The following DET1 variants were observed in gnomAD, a reference collection of about 807,000 sequenced individuals.
DET1 encodes the protein DET1 partner of COP1 E3 ubiquitin ligase.
In DET1, 22 loss-of-function variants were observed where a neutral mutation model predicts 43.7. That is an observed-to-expected ratio of 0.50 (90% CI 0.36 to 0.72). The LOEUF (loss-of-function observed/expected upper bound fraction) is 0.72. Among genes scored for constraint, DET1 ranks in the 30% least tolerant of loss-of-function variants. The pLI is 0.00. For missense variants in DET1, 713 were observed against 713.3 expected, an observed-to-expected ratio of 1.00 and a Z score of 0.00; for synonymous variants, 315 against 266.2, an observed-to-expected ratio of 1.18 and a Z score of -1.79.
At chr15:88,502,919 C>T (rs568143069) in intron 8 of DET1, 10 of 152,290 alleles carry the variant, frequency 6.6e-5, no homozygotes, top group African/African-American at 2.4e-4. Flanking sequence ...CTTAGCAGGT[C>T]CTCAATAAAT....
chr15:88,546,380 C>G (rs1449977507), intron 1 of DET1, 160 bp downstream of exon 1: 1 of 152,294 alleles, frequency 6.6e-6, no homozygotes, highest in Non-Finnish European at 1.5e-5. Flanking sequence ...CAAAAGGGCG[C>G]CCCCGGAAAG....
chr15:88,530,739 AATACT>A lies in DET1; in HGVS notation c.962_966del (p.Gln321LeufsTer2). 6.2e-7 allele frequency: 1 copy of A among 1,614,016 alleles called. No homozygotes were observed. Among genetic ancestry groups the A allele is most frequent in the Non-Finnish European group, 8.5e-7 (1 of 1,179,874 alleles). On this transcript the variant is annotated frameshift_variant, in exon 2 of 5. Transcript: ENST00000268148. LOFTEE classifies it high-confidence loss of function. ...ATTCGCAGCTGCCGCAGTTGGTCAAAATACTGGAAGAAGCGCCTCTTGGCCATTGC... is the reference window on the plus strand; with the variant it reads ...ATTCGCAGCTGCCGCAGTTGGTCAAAGGAAGAAGCGCCTCTTGGCCATTGC...
At chr15:88,545,484 C>A (rs2057227657) in intron 1 of DET1, among the ~76,000 whole-genome samples, 1 of 152,190 alleles carries the variant, frequency 6.6e-6, no homozygotes, top group South Asian at 2.1e-4. Context: ...GAGAAAATAA[C>A]ATCCCCTGGT....
rs776229674 is a variant in DET1, at chr15:88,527,837, C to T, written c.1084-51G>A. 460 of 1,354,090 alleles carry T rather than the reference C, an allele frequency of 3.4e-4. 1 individual carries two copies. The highest frequency in any genetic ancestry group is 3.3e-3 in the Middle Eastern group (17 of 5,128). The allele number at this position is 1,354,090 out of a possible 1,614,324, so 83.9% of individuals were successfully genotyped here. A position where few individuals can be genotyped will look rare whatever the true frequency, so the allele number is the denominator to read the frequency against. On this transcript the variant is annotated intron_variant, in intron 2 of 4. Transcript: ENST00000268148. ...TGGGACAGCTGAGTATAATGCCATG[C>T]GTAGGAAACTTAGCACTTATTACTT...
intron 1 of DET1, among the ~76,000 whole-genome samples, chr15:88,535,412 C>T (rs981131335): frequency 6.6e-6 from 1 of 151,054 alleles, no homozygotes; most frequent in Admixed American, 6.6e-5. Flanking sequence ...GTTGTAACAC[C>T]CTGATCTTGA....
At chr15:88,533,197 T>C (rs2056861047) in intron 1 of DET1, among the ~76,000 whole-genome samples, 1 of 152,200 alleles carries the variant, frequency 6.6e-6, no homozygotes, top group Non-Finnish European at 1.5e-5. Flanking sequence ...TCAACATCAC[T>C]AATCATCAGA....
chr15:88,544,316 C>T (rs1219576275), intron 1 of DET1, among the ~76,000 whole-genome samples: 1 of 152,176 alleles, frequency 6.6e-6, no homozygotes, highest in African/African-American at 2.4e-5. Context: ...AGTCTCCTTC[C>T]TTTAGCCCTA....
At chr15:88,529,070 C>A (rs1440188698) in intron 2 of DET1, among the ~76,000 whole-genome samples, 2 of 152,132 alleles carry the variant, frequency 1.3e-5, no homozygotes, top group African/African-American at 4.8e-5. Context: ...AGCATAGAAC[C>A]CAGTTATGTC....
At chr15:88,519,678 A>G (rs1414543799) in intron 3 of DET1, among the ~76,000 whole-genome samples, 3 of 152,206 alleles carry the variant, frequency 2.0e-5, no homozygotes, top group African/African-American at 7.2e-5. Flanking sequence ...CATCCTCAAC[A>G]ATCTTAAATT....
At chr15:88,532,582 T>G (rs1292883503) in intron 1 of DET1, among the ~76,000 whole-genome samples, 1 of 152,154 alleles carries the variant, frequency 6.6e-6, no homozygotes, top group Non-Finnish European at 1.5e-5. Flanking sequence ...ATCAAAAAAT[T>G]GTGGTACTGG....
At chr15:88,526,591 C>T (rs897671053) in intron 3 of DET1, among the ~76,000 whole-genome samples, 12 of 152,072 alleles carry the variant, frequency 7.9e-5, no homozygotes, top group Admixed American at 5.2e-4. Context: ...AGGGAAGAAT[C>T]TCTAACCTCC....
chr15:88,531,096 A>G lies in DET1; in HGVS notation c.610T>C (p.Cys204Arg). The G allele has an allele frequency of 1.2e-6, 2 of 1,614,008 alleles. No individual in the cohort carries two copies. The highest frequency in any genetic ancestry group is 2.2e-5 in the East Asian group (1 of 44,868). The part of the protein sequence containing the change: ...HIIDLHTGRL[C>R]DTRTFKCDKV... ...TCACACTTGAACGTGCGTGTATCAC[A>G]TAAGCGGCCGGTGTGAAGGTCAATG... Residue 204 changes from cysteine (C) to arginine (R), a missense_variant, in exon 2 of 5, where the codon TGT (cysteine) becomes CGT (arginine). Cys to Arg is a radical substitution (Grantham distance 180). Transcript: ENST00000268148. The surrounding 1 kb of genome is among the most constrained non-coding windows in gnomAD (Gnocchi z 6.2).
At chr15:88,519,204 A>G (rs1598321433) in intron 3 of DET1, among the ~76,000 whole-genome samples, 1 of 152,062 alleles carries the variant, frequency 6.6e-6, no homozygotes, top group Non-Finnish European at 1.5e-5. Context: ...CACAGCACCT[A>G]CCACCTCCAC....
Position 88,516,690 on chromosome 15 carries a change from G to A in DET1, c.1463+92C>T. 8.7e-7 allele frequency: 1 copy of A among 1,149,872 alleles called. No homozygotes were observed. Among genetic ancestry groups the A allele is most frequent in the South Asian group, 2.0e-5 (1 of 50,736 alleles). 71.2% of individuals were successfully genotyped at this position (1,149,872 alleles called of 1,614,324 possible). On this transcript the variant is annotated intron_variant, in intron 4 of 4. Coordinates refer to ENST00000268148, the MANE Select transcript of DET1 (RefSeq NM_001144074.3). This position sits in a 1 kb window ranked among gnomAD's most constrained non-coding sequence, Gnocchi z 4.4. ...ACCTTACCCATGAGTACGAGTCACA[G>A]TCACAATCAAATGATGTCCAGAAAA... is the stretch of plus-strand genomic sequence containing the variant.
chr15:88,534,913 T>C (rs1039113677), intron 1 of DET1, among the ~76,000 whole-genome samples: 6 of 152,188 alleles, frequency 3.9e-5, no homozygotes, highest in African/African-American at 1.2e-4. Flanking sequence ...TCCAAAATCA[T>C]TCAGCATATG....
chr15:88,532,598 GAC>G (rs1173540762), intron 1 of DET1, among the ~76,000 whole-genome samples: 2 of 152,144 alleles, frequency 1.3e-5, no homozygotes, highest in Admixed American at 6.5e-5. Context: ...ACTGGATAAA[GAC>G]AGACACAGAC....
Position 88,531,007 on chromosome 15 carries a change from A to G in DET1, c.699T>C (p.Ser233=). ...AGACATGGATGGTCTGTTGTTGCAC[A>G]GACAAGATGGCCAGGATGTTTTTGT... The part of the protein sequence containing the change: ...YLYKNILAIL[S]VQQQTIHVFQ... The change falls in exon 2 of 5, where the codon TCT becomes TCC. Residue 233 remains serine (S), a synonymous_variant. Transcript: ENST00000268148. This position sits in a 1 kb window ranked among gnomAD's most constrained non-coding sequence, Gnocchi z 6.2. The G allele has an allele frequency of 6.2e-7, 1 of 1,613,648 alleles. No individual in the cohort carries two copies. The highest frequency in any genetic ancestry group is 8.5e-7 in the Non-Finnish European group (1 of 1,179,698).
rs573006063 is a variant in DET1, at chr15:88,522,379, A to AT, written c.1271+5219dup. Among the ~76,000 whole-genome samples the AT allele has an allele frequency of 3.2e-3, 474 of 147,630 alleles. 5 individuals are homozygous for AT. Among genetic ancestry groups the AT allele is most frequent in the African/African-American group, 0.011 (430 of 40,158 alleles). ...ATTTGGCCTCCTAGGCAGGTACTCT[A>AT]TTTTTTTTTTAAATGTTTCTCTTCT... On this transcript the variant is annotated intron_variant, in intron 3 of 4. Coordinates refer to ENST00000268148, the MANE Select transcript of DET1 (RefSeq NM_001144074.3).
intron 1 of DET1, among the ~76,000 whole-genome samples, chr15:88,539,241 C>T (rs7167018): frequency 0.43 from 64,900 of 151,844 alleles, 15,067 homozygotes; most frequent in East Asian, 0.65. Flanking sequence ...TGTAGCTCCA[C>T]GGCGAAAGCT....
Sources: gnomAD v4.1 joint callset for allele counts (sites outside exome capture counted in the v4.1 genomes callset) on GRCh38, gnomAD v4.1.1 for gene constraint, Gnocchi (gnomAD v3.1) non-coding constraint, MANE v1.5 for transcripts, NCBI Gene and HGNC (gene_info 2026-07-23, HGNC 2026-07-21) for gene names.